Variants in IL1RAPL2 observed in about 807,000 individuals in gnomAD.
The protein encoded by IL1RAPL2 is interleukin 1 receptor accessory protein like 2.
In IL1RAPL2, 3 loss-of-function variants were observed where a neutral mutation model predicts 44.1. The observed-to-expected ratio is 0.07, with a 90% CI of 0.03 to 0.18. The LOEUF is 0.18. Among genes scored for constraint, IL1RAPL2 ranks in the 10% least tolerant of loss-of-function variants. IL1RAPL2 has a pLI of 1.00. For synonymous variants in IL1RAPL2, 181 were observed against 178.8 expected, an observed-to-expected ratio of 1.01 and a Z score of -0.10; for missense variants, 391 against 496.4, an observed-to-expected ratio of 0.79 and a Z score of 2.02.
intron 7 of IL1RAPL2, among the ~76,000 whole-genome samples, chrX:105,731,117 A>G (rs1170197056): frequency 9.0e-6 from 1 of 111,140 alleles, no homozygotes; most frequent in Admixed American, 9.6e-5. Context: ...AAATTTGATA[A>G]ACCACTAGCT....
intron 2 of IL1RAPL2, among the ~76,000 whole-genome samples, chrX:104,896,164 C>A (rs888138430): frequency 5.4e-5 from 6 of 112,047 alleles, no homozygotes; most frequent in Non-Finnish European, 1.1e-4. Context: ...CATGGCTTCT[C>A]CCCTTTCTCG....
chrX:105,468,914 G>T (rs1403327574), intron 5 of IL1RAPL2, among the ~76,000 whole-genome samples: 1 of 111,906 alleles, frequency 8.9e-6, no homozygotes, highest in Non-Finnish European at 1.9e-5. Context: ...AGTTTGGAAT[G>T]ATGGGTTGAA....
chrX:104,588,847 CATGTTTCTTG>C (rs1928611337), intron 1 of IL1RAPL2, among the ~76,000 whole-genome samples: 1 of 111,702 alleles, frequency 9.0e-6, no homozygotes, highest in African/African-American at 3.3e-5. Flanking sequence ...TTGGGGCAAT[CATGTTTCTTG>C]AAGTATGCAT....
intron 6 of IL1RAPL2, among the ~76,000 whole-genome samples, chrX:105,565,994 G>A (rs1404003972): frequency 9.0e-6 from 1 of 111,425 alleles, no homozygotes; most frequent in Non-Finnish European, 1.9e-5. Flanking sequence ...GTCAGCTTCA[G>A]AATCAGAGAG....
intron 2 of IL1RAPL2, among the ~76,000 whole-genome samples, chrX:104,849,360 A>G (rs1224021234): frequency 1.0e-5 from 1 of 96,507 alleles, no homozygotes; most frequent in Non-Finnish European, 2.1e-5. Flanking sequence ...TATATAATAT[A>G]TATATATGGA....
At chrX:105,066,318 T>C (rs187207817) in intron 2 of IL1RAPL2, among the ~76,000 whole-genome samples, 2 of 110,966 alleles carry the variant, frequency 1.8e-5, no homozygotes, top group East Asian at 2.9e-4. Flanking sequence ...TTTAACCACT[T>C]TATATCCAAA....
intron 10 of IL1RAPL2, among the ~76,000 whole-genome samples, chrX:105,757,470 C>G (rs929136822): frequency 9.0e-6 from 1 of 111,691 alleles, no homozygotes; most frequent in Non-Finnish European, 1.9e-5. Flanking sequence ...ATTTTTGTAT[C>G]CCTATAGTCA....
At chrX:105,458,403 C>G (rs2036070840) in intron 5 of IL1RAPL2, among the ~76,000 whole-genome samples, 1 of 111,346 alleles carries the variant, frequency 9.0e-6, no homozygotes, top group Non-Finnish European at 1.9e-5. Context: ...GCATATTATT[C>G]AGTAATAAAA....
At chrX:105,459,531 A>G (rs746585772) in intron 5 of IL1RAPL2, among the ~76,000 whole-genome samples, 3 of 111,525 alleles carry the variant, frequency 2.7e-5, no homozygotes, top group African/African-American at 9.8e-5. Flanking sequence ...ATTAAGTAGC[A>G]GCAGTGCAAT....
intron 2 of IL1RAPL2, among the ~76,000 whole-genome samples, chrX:104,888,883 C>T (rs1023530805): frequency 6.3e-5 from 7 of 111,800 alleles, no homozygotes; most frequent in Admixed American, 1.9e-4. Context: ...TACATTCTTA[C>T]ATTTCCCACC....
At chrX:105,756,991 T>A (rs2038644655) in intron 10 of IL1RAPL2, among the ~76,000 whole-genome samples, 1 of 111,496 alleles carries the variant, frequency 9.0e-6, no homozygotes, top group Non-Finnish European at 1.9e-5. Context: ...CCCACTAATA[T>A]CAAGTACATC....
At chrX:104,815,115 A>G (rs1313883805) in intron 2 of IL1RAPL2, among the ~76,000 whole-genome samples, 1 of 112,054 alleles carries the variant, frequency 8.9e-6, no homozygotes, top group Non-Finnish European at 1.9e-5. Flanking sequence ...TTGAAGATGT[A>G]GGAGTTCAAT....
intron 6 of IL1RAPL2, among the ~76,000 whole-genome samples, chrX:105,717,024 G>A (rs2038262613): frequency 8.9e-6 from 1 of 111,768 alleles, no homozygotes; most frequent in Non-Finnish European, 1.9e-5. Flanking sequence ...GGAGGCTGAG[G>A]TGGGAGGATC....
chrX:105,609,175 T>C (rs1285185029), intron 6 of IL1RAPL2, among the ~76,000 whole-genome samples: 2 of 112,079 alleles, frequency 1.8e-5, no homozygotes, highest in Non-Finnish European at 3.8e-5. Context: ...TGGTGAACTC[T>C]CTTTTAAATC....
intron 2 of IL1RAPL2, among the ~76,000 whole-genome samples, chrX:104,748,744 C>T (rs952396278): frequency 2.7e-5 from 3 of 111,234 alleles, no homozygotes; most frequent in Admixed American, 1.9e-4. Context: ...TTAGTTGAGC[C>T]ACCCCAGCTT....
intron 2 of IL1RAPL2, among the ~76,000 whole-genome samples, chrX:104,896,364 T>C (rs981983753): frequency 1.8e-5 from 2 of 111,675 alleles, no homozygotes; most frequent in Non-Finnish European, 3.8e-5. Context: ...TTCACTGGCC[T>C]TAAGAGTTCC....
At chrX:105,522,562 G>A (rs1439253815) in intron 6 of IL1RAPL2, among the ~76,000 whole-genome samples, 1 of 112,210 alleles carries the variant, frequency 8.9e-6, no homozygotes, top group East Asian at 2.8e-4. Context: ...AAGATTTCAA[G>A]TTGTTCTGTG....
intron 2 of IL1RAPL2, among the ~76,000 whole-genome samples, chrX:105,030,909 T>G (rs1202444900): frequency 1.8e-5 from 2 of 111,466 alleles, no homozygotes; most frequent in Non-Finnish European, 3.8e-5. Context: ...TGTATCCTCT[T>G]TTATTTCACT....
intron 2 of IL1RAPL2, among the ~76,000 whole-genome samples, chrX:105,078,628 G>A (rs1193037656): frequency 8.0e-5 from 9 of 112,778 alleles, no homozygotes; most frequent in Non-Finnish European, 1.3e-4. Context: ...CCTGCCCCCA[G>A]AGGTGGAGCC....
Sources: gnomAD v4.1 joint callset for allele counts (sites outside exome capture counted in the v4.1 genomes callset) on GRCh38, gnomAD v4.1.1 for gene constraint, MANE v1.5 for transcripts, NCBI Gene and HGNC (gene_info 2026-07-23, HGNC 2026-07-21) for gene names.